Variants in STK3 observed in about 807,000 individuals in gnomAD.
The protein encoded by STK3 is serine/threonine-protein kinase 3.
In STK3, 41 loss-of-function variants were observed where a neutral mutation model predicts 58.0. The observed-to-expected ratio is 0.71, with a 90% CI of 0.55 to 0.92. The LOEUF (loss-of-function observed/expected upper bound fraction) is 0.92. Among genes scored for constraint, STK3 ranks in the 40% least tolerant of loss-of-function variants. STK3 has a pLI of 0.00. For missense variants in STK3, 479 were observed against 602.7 expected (o/e 0.79, Z 2.15); for synonymous variants, 170 against 191.0 (o/e 0.89, Z 0.91).
chr8:98,453,811 C>A (rs1386431493), downstream of STK3, among the ~76,000 whole-genome samples: 15 of 152,174 alleles, frequency 9.9e-5, no homozygotes, highest in East Asian at 2.5e-3. Flanking sequence ...TGGATGACAG[C>A]AAATCAGTCA....
intron 3 of STK3, among the ~76,000 whole-genome samples, chr8:98,861,344 A>ATTTTT (rs772895902): frequency 2.8e-4 from 24 of 85,898 alleles, no homozygotes; most frequent in African/African-American, 1.1e-3. Flanking sequence ...GTTTCTTTGG[A>ATTTTT]TTTTTTTTTT....
intron 8 of STK3, among the ~76,000 whole-genome samples, chr8:98,549,845 C>T (rs919118392): frequency 2.6e-5 from 4 of 152,062 alleles, no homozygotes; most frequent in African/African-American, 9.7e-5. Flanking sequence ...CTTGCCTCCA[C>T]AAAAAATTTA....
chr8:98,452,963 G>A (rs112722723), downstream of STK3, among the ~76,000 whole-genome samples: 11,218 of 75,686 alleles, frequency 0.15, 1,056 homozygotes, highest in Admixed American at 0.2. Flanking sequence ...GTTTCACCAT[G>A]TTGGTCAGGC....
At chr8:98,391,119 A>G (rs888094939), upstream of STK3, among the ~76,000 whole-genome samples, 1 of 152,126 alleles carries the variant, frequency 6.6e-6, no homozygotes, top group African/African-American at 2.4e-5. Context: ...TATCCTGGAC[A>G]TTTTGATTAT....
chr8:98,852,920 C>T lies in STK3; in HGVS notation c.110+30727G>A, dbSNP rs184755172. Among the ~76,000 whole-genome samples the T allele has an allele frequency of 8.5e-3, 1,293 of 152,078 alleles. 11 individuals carry two copies. Among genetic ancestry groups the T allele is most frequent in the African/African-American group, 0.029 (1,216 of 41,502 alleles). ...TATTTTCCATTTTACTTCTTTTATT[C>T]ATTTAATGGATTTATGTTACCCATT... On this transcript the variant is annotated intron_variant, in intron 3 of 12. Coordinates refer to the STK3 transcript ENST00000523601.
chr8:98,592,864 A>G (rs867791384), intron 7 of STK3, among the ~76,000 whole-genome samples: 23 of 152,072 alleles, frequency 1.5e-4, no homozygotes, highest in Non-Finnish European at 2.8e-4. Flanking sequence ...CCCGGGTTCA[A>G]GTGATTCTCT....
chr8:98,926,070 C>G (rs1320687130), intron 1 of STK3, among the ~76,000 whole-genome samples: 3 of 152,170 alleles, frequency 2.0e-5, no homozygotes, highest in Non-Finnish European at 4.4e-5. Context: ...ATTTTGGAGA[C>G]AGTGACTACT....
At chr8:98,539,875 T>C (rs984213321) in intron 9 of STK3, among the ~76,000 whole-genome samples, 1 of 152,172 alleles carries the variant, frequency 6.6e-6, no homozygotes, top group Non-Finnish European at 1.5e-5. Flanking sequence ...TGCCTCAGCC[T>C]CCTGGGTAGC....
intron 3 of STK3, among the ~76,000 whole-genome samples, chr8:98,852,460 T>C (rs1836508587): frequency 6.6e-6 from 1 of 152,186 alleles, no homozygotes; most frequent in Non-Finnish European, 1.5e-5. Context: ...TACACTGGCT[T>C]TGGGGACTTT....
At chr8:98,923,213 A>T (rs1393455394) in intron 1 of STK3, among the ~76,000 whole-genome samples, 1 of 152,032 alleles carries the variant, frequency 6.6e-6, no homozygotes, top group Non-Finnish European at 1.5e-5. Context: ...GGTATGAAAT[A>T]AAAAAAGAAC....
chr8:98,825,162 G>T (rs1211779634), intron 1 of STK3, among the ~76,000 whole-genome samples: 1 of 152,198 alleles, frequency 6.6e-6, no homozygotes, highest in Non-Finnish European at 1.5e-5. Flanking sequence ...GGGGAAGGGG[G>T]AAGAACACCT....
At chr8:98,823,814 A>T (rs1295073890) in intron 1 of STK3, among the ~76,000 whole-genome samples, 1 of 152,232 alleles carries the variant, frequency 6.6e-6, no homozygotes, top group Non-Finnish European at 1.5e-5. Flanking sequence ...TAGAACTAGC[A>T]TAATAAGTAG....
the STK3 span, among the ~76,000 whole-genome samples, chr8:98,357,545 T>A: frequency 6.6e-6 from 1 of 152,194 alleles, no homozygotes; most frequent in Non-Finnish European, 1.5e-5. Context: ...TGGCACTGGA[T>A]GTGGCTGAGG....
intron 6 of STK3, among the ~76,000 whole-genome samples, chr8:98,677,397 G>T (rs1047865094): frequency 1.6e-5 from 2 of 127,366 alleles, no homozygotes; most frequent in African/African-American, 6.0e-5. Flanking sequence ...TTCATTTCTG[G>T]ATCCCCCAGG....
At chr8:98,352,443 C>T in the STK3 span, among the ~76,000 whole-genome samples, 17 of 152,256 alleles carry the variant, frequency 1.1e-4, no homozygotes, top group African/African-American at 3.6e-4. Flanking sequence ...CCAAAATACT[C>T]CAGAATCCAA....
chr8:98,712,577 G>C lies in STK3; in HGVS notation c.352-5266C>G, dbSNP rs929139983. Among the ~76,000 whole-genome samples the C allele has an allele frequency of 4.6e-4, 70 of 151,806 alleles. 1 individual carries two copies. Among genetic ancestry groups the C allele is most frequent in the African/African-American group, 1.4e-3 (59 of 41,338 alleles). On this transcript the variant is annotated intron_variant, in intron 4 of 10. Coordinates refer to ENST00000419617, the MANE Select transcript of STK3 (RefSeq NM_006281.4). The stretch of plus-strand genomic sequence containing the variant: ...GGTAAAGGGATCAATTCAACAAGAA[G>C]AGCTAACTATCCTAAATATATATGC...
chr8:98,923,870 C>CGT (rs1839679721), intron 1 of STK3, among the ~76,000 whole-genome samples: 1 of 145,524 alleles, frequency 6.9e-6, no homozygotes, highest in East Asian at 2.0e-4. Context: ...CGCGCGCGCG[C>CGT]GCGCGCGTTG....
chr8:98,585,685 G>C (rs1250576973), intron 7 of STK3, among the ~76,000 whole-genome samples: 2 of 151,772 alleles, frequency 1.3e-5, no homozygotes, highest in Non-Finnish European at 2.9e-5. Flanking sequence ...ATTACCTTGG[G>C]CAGTATGGCC....
In STK3 at chr8:98,814,681, T is replaced by A. The variant is rs374845986; in HGVS notation, c.26+10834A>T. Among the ~76,000 whole-genome samples the A allele has an allele frequency of 1.4e-4, 21 of 152,130 alleles. No individual in the cohort carries two copies. In the East Asian group the frequency reaches 3.1e-3, roughly 22 times the overall value. The stretch of plus-strand genomic sequence containing the variant: ...AACACCACACCTGGCAAATTTTTTT[T>A]ATTTTTAGTTTACTTTAGTTTGAGA... On this transcript the variant is annotated intron_variant, in intron 1 of 10. Coordinates refer to ENST00000419617, the MANE Select transcript of STK3 (RefSeq NM_006281.4).
Sources: gnomAD v4.1 joint callset for allele counts (sites outside exome capture counted in the v4.1 genomes callset) on GRCh38, gnomAD v4.1.1 for gene constraint, MANE v1.5 for transcripts, NCBI Gene and HGNC (gene_info 2026-07-23, HGNC 2026-07-21) for gene names.